The following CHIC1 variants were observed in gnomAD, a reference collection of about 807,000 sequenced individuals.
The protein encoded by CHIC1 is cysteine-rich hydrophobic domain-containing protein 1.
CHIC1 carries 7 observed loss-of-function variants against 18.5 expected under a neutral mutation model. The observed-to-expected ratio is 0.38, with a 90% CI of 0.22 to 0.71. The LOEUF (loss-of-function observed/expected upper bound fraction) is 0.71, where lower values mean the gene tolerates loss of function less well. CHIC1 is among the 30% of genes least tolerant of loss of function. The pLI, the probability that CHIC1 is intolerant of heterozygous loss-of-function variation, is 0.49. For missense variants in CHIC1, 159 were observed against 176.9 expected (o/e 0.90, Z 0.57); for synonymous variants, 77 against 73.5 (o/e 1.05, Z -0.25).
chrX:73,573,260 G>A (rs896319039), intron 1 of CHIC1, among the ~76,000 whole-genome samples: 6 of 110,823 alleles, frequency 5.4e-5, no homozygotes, highest in African/African-American at 1.6e-4. Context: ...TAGTAGGTGC[G>A]CAGCTTTATT....
chrX:73,590,909 A>G (rs1190440295), intron 3 of CHIC1, among the ~76,000 whole-genome samples: 1 of 111,594 alleles, frequency 9.0e-6, no homozygotes, highest in Non-Finnish European at 1.9e-5. Flanking sequence ...TAAGACTGTT[A>G]TAAACATTCA....
At chrX:73,679,214 AAAAC>A (rs1191153398) in intron 3 of CHIC1, 108 bp from the exon 4 acceptor site, 5 of 478,417 alleles carry the variant, frequency 1.0e-5, no homozygotes, top group Admixed American at 4.4e-5. Context: ...TTCTAATAGA[AAAAC>A]AAGGAGATAG....
At chrX:73,611,682 T>C (rs1327692206) in intron 3 of CHIC1, among the ~76,000 whole-genome samples, 1 of 108,071 alleles carries the variant, frequency 9.3e-6, no homozygotes, top group Non-Finnish European at 1.9e-5. Flanking sequence ...CCAGCACCTG[T>C]TGTTTCCTGA....
chrX:73,604,849 A>C (rs2057671452), intron 3 of CHIC1, among the ~76,000 whole-genome samples: 1 of 109,165 alleles, frequency 9.2e-6, no homozygotes, highest in African/African-American at 3.6e-5. Context: ...TTCTAATTTG[A>C]TTGTACTGTG....
intron 3 of CHIC1, among the ~76,000 whole-genome samples, chrX:73,644,965 G>A (rs1264587533): frequency 6.2e-5 from 7 of 112,230 alleles, no homozygotes; most frequent in Non-Finnish European, 1.3e-4. Flanking sequence ...CACCCGGTGC[G>A]CTGCACCCAC....
chrX:73,680,652 C>T (rs2058094450), intron 5 of CHIC1, among the ~76,000 whole-genome samples: 1 of 110,717 alleles, frequency 9.0e-6, no homozygotes, highest in African/African-American at 3.3e-5. Context: ...GGGGGAAAAA[C>T]ATAATATAAT....
chrX:73,660,453 A>C (rs906143454), intron 3 of CHIC1, among the ~76,000 whole-genome samples: 2 of 112,167 alleles, frequency 1.8e-5, no homozygotes, highest in Admixed American at 1.9e-4. Context: ...AGAGTGTAGC[A>C]GGTACAGGTT....
At chrX:73,677,322 C>T (rs1012994939) in intron 3 of CHIC1, among the ~76,000 whole-genome samples, 2 of 112,226 alleles carry the variant, frequency 1.8e-5, no homozygotes, top group Non-Finnish European at 3.8e-5. Flanking sequence ...CTGTGCCCTG[C>T]CCCCAGAGGT....
chrX:73,608,307 G>A (rs182773369), intron 3 of CHIC1, among the ~76,000 whole-genome samples: 4 of 108,965 alleles, frequency 3.7e-5, no homozygotes, highest in Admixed American at 9.6e-5. Context: ...CTTGAGCTTT[G>A]TAGTAAATTA....
At chrX:73,598,147 C>T (rs963840300) in intron 3 of CHIC1, among the ~76,000 whole-genome samples, 1 of 110,252 alleles carries the variant, frequency 9.1e-6, no homozygotes, top group Admixed American at 9.7e-5. Context: ...GTAATGGGAT[C>T]GCTGGGTCAA....
chrX:73,632,913 C>T (rs967948674), intron 3 of CHIC1, among the ~76,000 whole-genome samples: 12 of 107,393 alleles, frequency 1.1e-4, no homozygotes, highest in Admixed American at 6.0e-4. Context: ...GGACTACAGG[C>T]GCCCACCACC....
At chrX:73,645,274 A>G (rs187108978) in intron 3 of CHIC1, among the ~76,000 whole-genome samples, 2 of 112,272 alleles carry the variant, frequency 1.8e-5, no homozygotes, top group African/African-American at 6.5e-5. Flanking sequence ...GAATTCTATC[A>G]TGTATATGTG....
chrX:73,607,059 A>G (rs759819699), intron 3 of CHIC1, among the ~76,000 whole-genome samples: 1 of 108,918 alleles, frequency 9.2e-6, no homozygotes, highest in Non-Finnish European at 1.9e-5. Flanking sequence ...GGAACGTTTA[A>G]GTCTGCTGAA....
chrX:73,600,737 A>G (rs1384501696), intron 3 of CHIC1, among the ~76,000 whole-genome samples: 1 of 107,337 alleles, frequency 9.3e-6, no homozygotes, highest in African/African-American at 3.6e-5. Flanking sequence ...TCGTTTTGCC[A>G]GTATTTTATT....
At chrX:73,649,383 T>C (rs745324983) in intron 3 of CHIC1, among the ~76,000 whole-genome samples, 2 of 111,597 alleles carry the variant, frequency 1.8e-5, no homozygotes, top group African/African-American at 3.3e-5. Context: ...CTAAATGCCC[T>C]AATTGAAAGA....
intron 3 of CHIC1, among the ~76,000 whole-genome samples, chrX:73,664,701 C>T (rs7050850): frequency 0.048 from 5,310 of 111,406 alleles, 322 homozygotes; most frequent in African/African-American, 0.16. Context: ...GCCCTGAGAT[C>T]ACACAAAGAC....
chrX:73,660,499 C>T (rs1481692501), intron 3 of CHIC1, among the ~76,000 whole-genome samples: 2 of 111,930 alleles, frequency 1.8e-5, no homozygotes, highest in African/African-American at 3.3e-5. Flanking sequence ...GATTAATACC[C>T]TACGCGAGTT....
intron 3 of CHIC1, among the ~76,000 whole-genome samples, chrX:73,611,865 T>A (rs1489868101): frequency 1.9e-5 from 2 of 108,002 alleles, no homozygotes; most frequent in African/African-American, 7.1e-5. Context: ...TTTGATGAGG[T>A]TGTTTGTTTT....
chrX:73,644,691 A>G (rs2057879099), intron 3 of CHIC1, among the ~76,000 whole-genome samples: 1 of 112,804 alleles, frequency 8.9e-6, no homozygotes, highest in Non-Finnish European at 1.9e-5. Flanking sequence ...AGCCAGGTGC[A>G]GTATATAATC....
Sources: gnomAD v4.1 joint callset for allele counts (sites outside exome capture counted in the v4.1 genomes callset) on GRCh38, gnomAD v4.1.1 for gene constraint, MANE v1.5 for transcripts, NCBI Gene and HGNC (gene_info 2026-07-23, HGNC 2026-07-21) for gene names.